The following PXDN variants were observed in gnomAD, a reference collection of about 807,000 sequenced individuals.
The protein encoded by PXDN is peroxidasin homolog.
PXDN carries 77 observed loss-of-function variants against 140.3 expected under a neutral mutation model. That is an observed-to-expected ratio of 0.55 (90% CI 0.46 to 0.66). The LOEUF is 0.66. Among genes scored for constraint, PXDN ranks in the 30% least tolerant of loss-of-function variants. The pLI, the probability that PXDN is intolerant of heterozygous loss-of-function variation, is 0.00. For missense variants in PXDN, 1,838 were observed against 2,039.5 expected, an observed-to-expected ratio of 0.90 and a Z score of 1.90; for synonymous variants, 911 against 857.4, an observed-to-expected ratio of 1.06 and a Z score of -1.09.
intron 11 of PXDN, 200 bp downstream of exon 11, chr2:1,664,758 G>C: frequency 1.8e-6 from 1 of 553,182 alleles, no homozygotes; most frequent in Non-Finnish European, 3.2e-6. Context: ...TGATGTCCAT[G>C]AGGGACGGCC....
At chr2:1,676,798 C>T in intron 8 of PXDN, 129 bp downstream of exon 8, 1 of 891,380 alleles carries the variant, frequency 1.1e-6, no homozygotes, top group Non-Finnish European at 1.8e-6. Flanking sequence ...ATAGTTTCTC[C>T]TTTGTACTTT....
intron 9 of PXDN, among the ~76,000 whole-genome samples, 151 bp from the exon 10 acceptor site, chr2:1,666,637 T>C (rs889078753): frequency 5.9e-5 from 9 of 152,104 alleles, no homozygotes; most frequent in Non-Finnish European, 1.2e-4. Flanking sequence ...TTTAAAGAAA[T>C]GTGCAGACAA....
chr2:1,643,241 C>T (rs1024791322), intron 19 of PXDN, 127 bp downstream of exon 19: 12 of 1,015,514 alleles, frequency 1.2e-5, no homozygotes, highest in Middle Eastern at 6.4e-4. Context: ...CGATTTAAAT[C>T]TAAAGCTGAA....
chr2:1,649,558 T>G lies in PXDN; in HGVS notation c.2222A>C (p.Tyr741Ser). ...NCSDMCFHQK[Y>S]RTHDGTCNNL... ...GTTACAGGTGCCGTCGTGCGTCCGG[T>G]ACTTCTGGTGGAAGCACATGTCCGA... Residue 741 changes from tyrosine (Y) to serine (S), a missense_variant, in exon 17 of 23, where the codon TAC becomes TCC. Transcript: ENST00000252804. This position sits in a 1 kb window ranked among gnomAD's most constrained non-coding sequence, Gnocchi z 7.1. The G allele has an allele frequency of 1.2e-6, 2 of 1,614,018 alleles. No homozygotes were observed. Among genetic ancestry groups the G allele is most frequent in the Non-Finnish European group, 1.7e-6 (2 of 1,179,884 alleles).
At chr2:1,666,685 G>A (rs1219927178) in intron 9 of PXDN, among the ~76,000 whole-genome samples, 199 bp from the exon 10 acceptor site, 1 of 152,132 alleles carries the variant, frequency 6.6e-6, no homozygotes, top group Non-Finnish European at 1.5e-5. Context: ...ACAAAATGCA[G>A]GCCACGTGAG....
In PXDN at chr2:1,649,526, G is replaced by A. The variant is rs759178311; in HGVS notation, c.2254C>T (p.Gln752Ter). ...RTHDGTCNNL[Q>*]HPMWGASLTA... Reference sequence around the variant, plus strand: ...AGCGAGGCGCCCCACATGGGGTGCTGCAGGTTGTTACAGGTGCCGTCGTGC... The same window carrying A: ...AGCGAGGCGCCCCACATGGGGTGCTACAGGTTGTTACAGGTGCCGTCGTGC... Residue 752 changes from glutamine (Q) to a stop codon, truncating the protein, a stop_gained, in exon 17 of 23, where the codon CAG (glutamine) becomes TAG (stop). Coordinates refer to ENST00000252804, the MANE Select transcript of PXDN (RefSeq NM_012293.3). LOFTEE classifies it high-confidence loss of function. The surrounding 1 kb of genome is among the most constrained non-coding windows in gnomAD (Gnocchi z 7.1). 6.2e-7 allele frequency: 1 copy of A among 1,614,054 alleles called. No homozygotes were observed. The highest frequency in any genetic ancestry group is 8.5e-7 in the Non-Finnish European group (1 of 1,179,898).
intron 2 of PXDN, chr2:1,692,703 T>C (rs1684211482): frequency 4.5e-6 from 2 of 442,494 alleles, no homozygotes; most frequent in South Asian, 3.4e-5. Flanking sequence ...GAAGAAGCAC[T>C]GTCCTGCTCA....
In PXDN at chr2:1,666,418, A is replaced by C; in HGVS notation, c.1087T>G (p.Cys363Gly). The C allele has an allele frequency of 1.2e-6, 2 of 1,613,584 alleles. No homozygotes were observed. The highest frequency in any genetic ancestry group is 1.7e-6 in the Non-Finnish European group (2 of 1,179,754). Reference protein sequence around the residue: ...VLVGESVTLECSATGHPPPRI... With the variant: ...VLVGESVTLEGSATGHPPPRI... ...GGCGGGGGGTGGCCTGTGGCGCTGC[A>C]CTCCAGCGTGACGCTCTCCCCAACC... The change falls in exon 10 of 23, where the codon TGC becomes GGC. Residue 363 changes from cysteine (C) to glycine (G), a missense_variant. By Grantham distance (159) the Cys-to-Gly change is radical. Coordinates refer to ENST00000252804, the MANE Select transcript of PXDN (RefSeq NM_012293.3).
chr2:1,635,595 T>C lies in PXDN; in HGVS notation c.4207-74A>G. 2.8e-6 allele frequency: 3 copies of C among 1,078,306 alleles called. No individual in the cohort carries two copies. The East Asian group carries it at 7.7e-5, about 28-fold the overall frequency. 66.8% of individuals were successfully genotyped at this position (1,078,306 alleles called of 1,614,324 possible). A position where few individuals can be genotyped will look rare whatever the true frequency, so the allele number is the denominator to read the frequency against. Reference sequence around the variant, plus strand: ...GCTTGGCTCTTGTATTAAAAGATGTTATTTCACTGAAAATAATGCCTTAAA... The same window carrying C: ...GCTTGGCTCTTGTATTAAAAGATGTCATTTCACTGAAAATAATGCCTTAAA... On this transcript the variant is annotated intron_variant, in intron 21 of 22. Coordinates refer to ENST00000252804, the MANE Select transcript of PXDN (RefSeq NM_012293.3).
Position 1,649,785 on chromosome 2 carries a change from A to G in PXDN, c.2105-110T>C. 2 of 1,274,512 alleles carry G rather than the reference A, an allele frequency of 1.6e-6. No individual in the cohort carries two copies. Among genetic ancestry groups the G allele is most frequent in the Non-Finnish European group, 2.2e-6 (2 of 893,560 alleles). 79.0% of individuals were successfully genotyped at this position (1,274,512 alleles called of 1,614,324 possible). A position where few individuals can be genotyped will look rare whatever the true frequency, so the allele number is the denominator to read the frequency against. On this transcript the variant is annotated intron_variant, in intron 16 of 22. Transcript: ENST00000252804. This position sits in a 1 kb window ranked among gnomAD's most constrained non-coding sequence, Gnocchi z 7.1. Reference sequence around the variant, plus strand: ...ACATGGGGCTATCTACCCCCAGCTCATGAAACCTGTTGTGCGCCATGCAAC... The same window carrying G: ...ACATGGGGCTATCTACCCCCAGCTCGTGAAACCTGTTGTGCGCCATGCAAC...
At position 1,685,270 on chromosome 2, in the gene PXDN, C is replaced by T. The variant is rs933138091; in HGVS notation, c.417-1119G>A. On this transcript the variant is annotated intron_variant, in intron 4 of 22. Transcript: ENST00000252804. The surrounding 1 kb of genome is among the most constrained non-coding windows in gnomAD (Gnocchi z 5.1). ...CGGGACAGGTCTGTGCTCAGCACTC[C>T]GCGCACGAATGGGAAACGTGAGGGA... Among the ~76,000 whole-genome samples the T allele has an allele frequency of 2.6e-5, 4 of 152,212 alleles. No homozygotes were observed. Among genetic ancestry groups the T allele is most frequent in the East Asian group, 1.9e-4 (1 of 5,186 alleles).
intron 1 of PXDN, among the ~76,000 whole-genome samples, chr2:1,702,620 TG>T (rs1168623071): frequency 1.3e-5 from 2 of 151,870 alleles, no homozygotes; most frequent in Non-Finnish European, 2.9e-5. Context: ...TTGTTTTTTT[TG>T]TTTTCTTTTG....
chr2:1,725,408 C>T (rs1020835188), intron 1 of PXDN, among the ~76,000 whole-genome samples: 9 of 151,888 alleles, frequency 5.9e-5, no homozygotes, highest in African/African-American at 1.9e-4. Flanking sequence ...CTTCCTTACA[C>T]CTTATACAAA....
chr2:1,663,626 G>A lies in PXDN; in HGVS notation c.1546C>T (p.His516Tyr), dbSNP rs767785482. The change falls in exon 12 of 23, where the codon CAC (histidine) becomes TAC (tyrosine). Residue 516 changes from histidine to tyrosine, a missense_variant. His to Tyr is a moderately conservative substitution (Grantham distance 83). Coordinates refer to ENST00000252804, the MANE Select transcript of PXDN (RefSeq NM_012293.3). ...CTACCTCTGGGCTGCACAGTCAGGT[G>A]GGCCACGACCTTCTGGGAGCCGATG... ...NIIGSQKVVAHLTVQPRVTPV... is the reference protein window; with the variant it reads ...NIIGSQKVVAYLTVQPRVTPV... 1 of 1,613,992 alleles carries A rather than the reference G, an allele frequency of 6.2e-7. No individual in the cohort carries two copies. The highest frequency in any genetic ancestry group is 2.2e-5 in the East Asian group (1 of 44,884).
In PXDN at chr2:1,683,743, T is replaced by A. The variant is rs1011399715; in HGVS notation, c.489-16A>T. 2.5e-6 allele frequency: 4 copies of A among 1,581,982 alleles called. No homozygotes were observed. The highest frequency in any genetic ancestry group is 3.4e-6 in the Non-Finnish European group (4 of 1,163,552). On this transcript the variant is annotated splice_polypyrimidine_tract_variant and intron_variant, in intron 5 of 22. Coordinates refer to ENST00000252804, the MANE Select transcript of PXDN (RefSeq NM_012293.3). ...ATGCAAAAATCTGTTGAAAGAGATT[T>A]TATAACAAACCAATTTTGAAAAATA... is the stretch of plus-strand genomic sequence containing the variant.
intron 4 of PXDN, among the ~76,000 whole-genome samples, chr2:1,684,624 T>C (rs1402815387): frequency 6.6e-6 from 1 of 152,146 alleles, no homozygotes; most frequent in African/African-American, 2.4e-5. Flanking sequence ...TACAAAGATA[T>C]CCTTCAAGAC....
chr2:1,693,212 C>G (rs1684223463), intron 1 of PXDN, 78 bp from the exon 2 acceptor site: 1 of 1,205,402 alleles, frequency 8.3e-7, no homozygotes, highest in African/African-American at 1.5e-5. Flanking sequence ...CTCTTAGTTT[C>G]AAAATGGTGA....
chr2:1,681,414 G>C (rs1296072921), intron 6 of PXDN, among the ~76,000 whole-genome samples: 4 of 151,962 alleles, frequency 2.6e-5, no homozygotes, highest in African/African-American at 9.7e-5. Flanking sequence ...ATCTTTCGCT[G>C]AACTAGGGAA....
intron 1 of PXDN, among the ~76,000 whole-genome samples, chr2:1,742,254 C>A (rs1288182695): frequency 6.6e-6 from 1 of 152,204 alleles, no homozygotes; most frequent in Non-Finnish European, 1.5e-5. Flanking sequence ...GTGTTTAGTT[C>A]TATAAGGGAT....
Sources: allele counts gnomAD v4.1 joint callset (sites outside exome capture counted in the v4.1 genomes callset), GRCh38; gene constraint gnomAD v4.1.1; non-coding constraint Gnocchi (gnomAD v3.1); transcripts MANE v1.5; gene names NCBI Gene and HGNC (gene_info 2026-07-23, HGNC 2026-07-21).